The following FRMPD4 variants were observed in gnomAD, a reference collection of about 807,000 sequenced individuals.
FRMPD4 encodes FERM and PDZ domain containing 4.
FRMPD4 carries 22 observed loss-of-function variants against 94.1 expected under a neutral mutation model. The ratio of observed to expected loss-of-function variants is 0.23; its 90% CI spans 0.17 to 0.33. The LOEUF (loss-of-function observed/expected upper bound fraction) is 0.33. Among genes scored for constraint, FRMPD4 ranks in the 10% least tolerant of loss-of-function variants. FRMPD4 has a pLI of 1.00. For synonymous variants in FRMPD4, 631 were observed against 548.6 expected (o/e 1.15, Z -2.10); for missense variants, 1,111 against 1,339.9 (o/e 0.83, Z 2.67).
At chrX:11,891,677 G>A (rs1389310363) in intron 3 of FRMPD4, among the ~76,000 whole-genome samples, 1 of 111,950 alleles carries the variant, frequency 8.9e-6, no homozygotes, top group Non-Finnish European at 1.9e-5. Context: ...AGTTACTTGA[G>A]CTTACTAAGC....
intron 4 of FRMPD4, among the ~76,000 whole-genome samples, chrX:12,669,144 A>T (rs1444557202): frequency 8.9e-6 from 1 of 111,865 alleles, no homozygotes. Flanking sequence ...TCATCATGTC[A>T]GCAGACTCCC....
chrX:12,682,183 CATTTG>C (rs765524947), intron 5 of FRMPD4, among the ~76,000 whole-genome samples: 38 of 112,611 alleles, frequency 3.4e-4, no homozygotes, highest in Admixed American at 1.1e-3. Context: ...AGATGGACCA[CATTTG>C]ATTTATCTAT....
chrX:11,934,328 G>C (rs1487897056), intron 3 of FRMPD4, among the ~76,000 whole-genome samples: 1 of 111,858 alleles, frequency 8.9e-6, no homozygotes, highest in Non-Finnish European at 1.9e-5. Flanking sequence ...CATAGAAACA[G>C]GATGTTATGG....
chrX:12,034,331 A>G (rs1366781574), intron 3 of FRMPD4, among the ~76,000 whole-genome samples: 1 of 111,894 alleles, frequency 8.9e-6, no homozygotes, highest in Non-Finnish European at 1.9e-5. Flanking sequence ...GAGAGAGATG[A>G]TTGTAAGCAA....
intron 1 of FRMPD4, among the ~76,000 whole-genome samples, chrX:12,422,748 C>G (rs55761104): frequency 0.091 from 10,177 of 111,963 alleles, 458 homozygotes; most frequent in Non-Finnish European, 0.13. Context: ...GTCAATTCCA[C>G]TCTGAAAGTA....
intron 3 of FRMPD4, among the ~76,000 whole-genome samples, chrX:11,986,329 G>A (rs913120848): frequency 4.5e-5 from 5 of 112,115 alleles, no homozygotes; most frequent in Non-Finnish European, 7.5e-5. Context: ...AATGACCAGT[G>A]GGTCAATGAT....
intron 1 of FRMPD4, among the ~76,000 whole-genome samples, chrX:12,245,858 C>T (rs1198923343): frequency 1.8e-5 from 2 of 111,062 alleles, no homozygotes; most frequent in African/African-American, 6.6e-5. Flanking sequence ...AAGCCCATTG[C>T]CAGATATGGG....
intron 1 of FRMPD4, among the ~76,000 whole-genome samples, chrX:12,283,460 A>G (rs750987705): frequency 1.8e-5 from 2 of 112,438 alleles, no homozygotes; most frequent in Non-Finnish European, 3.8e-5. Flanking sequence ...AGACAAGGTC[A>G]GATGGTGGCA....
At chrX:12,434,569 T>C (rs2057043839) in intron 1 of FRMPD4, among the ~76,000 whole-genome samples, 1 of 112,746 alleles carries the variant, frequency 8.9e-6, no homozygotes, top group African/African-American at 3.2e-5. Flanking sequence ...CTCCTTGGCC[T>C]TAGTTACATC....
chrX:12,339,584 T>G (rs1316728550), intron 1 of FRMPD4, among the ~76,000 whole-genome samples: 5 of 111,554 alleles, frequency 4.5e-5, no homozygotes, highest in African/African-American at 1.3e-4. Context: ...AATTCTTGCT[T>G]ATATACCACA....
intron 2 of FRMPD4, among the ~76,000 whole-genome samples, chrX:11,876,710 G>A (rs1407063863): frequency 9.0e-6 from 1 of 111,719 alleles, no homozygotes; most frequent in Admixed American, 9.5e-5. Context: ...ACCTGCACTT[G>A]GGCATATGAG....
chrX:12,354,068 T>G (rs1002576084), intron 1 of FRMPD4, among the ~76,000 whole-genome samples: 2 of 112,217 alleles, frequency 1.8e-5, no homozygotes, highest in Non-Finnish European at 3.8e-5. Flanking sequence ...AATGACCTAC[T>G]AAAATGTTTA....
At chrX:12,140,709 G>C (rs1220432575) in intron 1 of FRMPD4, among the ~76,000 whole-genome samples, 1 of 112,397 alleles carries the variant, frequency 8.9e-6, no homozygotes, top group Non-Finnish European at 1.9e-5. Context: ...CTTTGGAGAG[G>C]ACAGTGTCAT....
intron 3 of FRMPD4, among the ~76,000 whole-genome samples, chrX:11,880,116 A>G (rs2053805582): frequency 8.9e-6 from 1 of 111,990 alleles, no homozygotes; most frequent in Non-Finnish European, 1.9e-5. Context: ...TTTGCCAAGT[A>G]AAGCAGGTAC....
intron 1 of FRMPD4, among the ~76,000 whole-genome samples, chrX:12,467,499 G>T (rs1192871910): frequency 1.8e-5 from 2 of 112,217 alleles, no homozygotes; most frequent in Non-Finnish European, 3.8e-5. Flanking sequence ...GCAAGCCTCA[G>T]TGCTGGGAAG....
intron 1 of FRMPD4, among the ~76,000 whole-genome samples, chrX:11,863,530 G>A (rs1166988568): frequency 1.8e-5 from 2 of 111,311 alleles, no homozygotes; most frequent in Non-Finnish European, 3.8e-5. Flanking sequence ...TACCCTGGAT[G>A]TTGGTAGTAG....
intron 2 of FRMPD4, among the ~76,000 whole-genome samples, chrX:11,867,129 A>G (rs775916350): frequency 8.6e-4 from 96 of 111,687 alleles, no homozygotes; most frequent in Non-Finnish European, 1.5e-3. Flanking sequence ...CTATAGCTGT[A>G]TATATTTACA....
intron 2 of FRMPD4, among the ~76,000 whole-genome samples, chrX:12,530,247 C>A (rs999563611): frequency 1.8e-5 from 2 of 111,930 alleles, no homozygotes; most frequent in African/African-American, 6.5e-5. Context: ...TGCAATGTGA[C>A]ACATGCTAGG....
At chrX:12,648,356 C>T (rs750848025) in intron 4 of FRMPD4, among the ~76,000 whole-genome samples, 1 of 111,635 alleles carries the variant, frequency 9.0e-6, no homozygotes, top group African/African-American at 3.3e-5. Context: ...CTACACTGCC[C>T]CTGGAAACTG....
Sources: allele counts gnomAD v4.1 joint callset (sites outside exome capture counted in the v4.1 genomes callset), GRCh38; gene constraint gnomAD v4.1.1; transcripts MANE v1.5; gene names NCBI Gene and HGNC (gene_info 2026-07-23, HGNC 2026-07-21).